Variants in CEP83 observed in about 807,000 individuals in gnomAD.
CEP83 encodes the protein centrosomal protein of 83 kDa.
In CEP83, 70 loss-of-function variants were observed where a neutral mutation model predicts 101.9. The ratio of observed to expected loss-of-function variants is 0.69; its 90% CI spans 0.57 to 0.84. The LOEUF (loss-of-function observed/expected upper bound fraction) is 0.84, where lower values mean the gene tolerates loss of function less well. Among genes scored for constraint, CEP83 ranks in the 40% least tolerant of loss-of-function variants. CEP83 has a pLI of 0.00. For synonymous variants in CEP83, 264 were observed against 267.9 expected (o/e 0.99, Z 0.14); for missense variants, 715 against 787.2 (o/e 0.91, Z 1.10).
chr12:94,306,909 A>C (rs1969085259), downstream of CEP83: 1 of 152,208 alleles, frequency 6.6e-6, no homozygotes, highest in Non-Finnish European at 1.5e-5. Context: ...TACCAAATAG[A>C]TGACAGATCA....
intron 14 of CEP83, among the ~76,000 whole-genome samples, chr12:94,325,037 G>C (rs1265917636): frequency 2.6e-5 from 4 of 151,962 alleles, no homozygotes; most frequent in Admixed American, 2.6e-4. Flanking sequence ...ATTCCCTCTG[G>C]AACACCCTTA....
At chr12:94,334,561 G>C (rs1482326861) in intron 12 of CEP83, among the ~76,000 whole-genome samples, 2 of 152,100 alleles carry the variant, frequency 1.3e-5, no homozygotes, top group African/African-American at 2.4e-5. Flanking sequence ...AGACAGTCAA[G>C]AGACAGGGAT....
chr12:94,413,752 CTTA>C (rs1197749445), intron 2 of CEP83, among the ~76,000 whole-genome samples: 3 of 151,018 alleles, frequency 2.0e-5, no homozygotes, highest in Non-Finnish European at 4.4e-5. Flanking sequence ...TCAAAGTGTT[CTTA>C]TAACTAAGAA....
Position 94,412,627 on chromosome 12 carries a change from G to A in CEP83, c.-101-36C>T, listed in dbSNP as rs369425885. The A allele has an allele frequency of 1.1e-4, 65 of 603,032 alleles. No homozygotes were observed. In the East Asian group the frequency reaches 1.4e-3, roughly 13 times the overall value. 37.4% of individuals were successfully genotyped at this position (603,032 alleles called of 1,614,324 possible). ...AAATAAACATAATTACATAATTTGC[G>A]ATCAGTAAACGTAAGCCTCCTTTAA... On this transcript the variant is annotated intron_variant, in intron 2 of 16. Transcript: ENST00000397809.
At chr12:94,291,845 A>G in the CEP83 span, among the ~76,000 whole-genome samples, 1 of 152,090 alleles carries the variant, frequency 6.6e-6, no homozygotes, top group Non-Finnish European at 1.5e-5. Context: ...GTGGGCTTCT[A>G]TTGATCCCAT....
downstream of CEP83, chr12:94,306,297 A>G (rs920688993): frequency 1.1e-4 from 17 of 151,962 alleles, no homozygotes; most frequent in African/African-American, 3.6e-4. Flanking sequence ...ATAAATATAT[A>G]TATTTGAGGC....
At chr12:94,326,068 T>C (rs1236652145) in intron 14 of CEP83, among the ~76,000 whole-genome samples, 1 of 152,104 alleles carries the variant, frequency 6.6e-6, no homozygotes, top group Non-Finnish European at 1.5e-5. Context: ...AGTGATTAGA[T>C]GGTGAATGCT....
chr12:94,424,184 T>TA, intron 2 of CEP83: 1 of 1,607,300 alleles, frequency 6.2e-7, no homozygotes, highest in Non-Finnish European at 8.5e-7. Context: ...AGGGGCTGGG[T>TA]AAAACCCATT....
intron 8 of CEP83, among the ~76,000 whole-genome samples, chr12:94,373,888 A>G (rs1357060187): frequency 6.6e-6 from 1 of 152,234 alleles, no homozygotes; most frequent in African/African-American, 2.4e-5. Flanking sequence ...TGTGGCAGTC[A>G]TGTTTGAAAT....
In CEP83 at chr12:94,369,945, T is replaced by C. The variant is rs746762221; in HGVS notation, c.1025A>G (p.Asn342Ser). The change falls in exon 9 of 17, where the codon AAT becomes AGT. Residue 342 changes from asparagine (N) to serine (S), a missense_variant. Physicochemically the swap from Asn to Ser is conservative, Grantham distance 46. Coordinates refer to ENST00000397809, the MANE Select transcript of CEP83 (RefSeq NM_016122.3). ...RAKSELERERNKIQSELDGLQ... is the reference protein window; with the variant it reads ...RAKSELERERSKIQSELDGLQ... ...ACCATCCAGTTCACTTTGAATCTTA[T>C]TCCTTTCTCTTTCTAGCTCACTCTT... is the stretch of plus-strand genomic sequence containing the variant. 1.3e-6 allele frequency: 2 copies of C among 1,594,846 alleles called. No homozygotes were observed. Among genetic ancestry groups the C allele is most frequent in the Admixed American group, 1.7e-5 (1 of 59,828 alleles).
chr12:94,339,829 G>A (rs999988805), intron 11 of CEP83, among the ~76,000 whole-genome samples: 2 of 152,288 alleles, frequency 1.3e-5, no homozygotes, highest in South Asian at 4.1e-4. Context: ...CCACTCAAAA[G>A]AGAACTAGAA....
chr12:94,367,934 G>C lies in CEP83; in HGVS notation c.1203C>G (p.Leu401=), dbSNP rs189675715. 2.3e-5 allele frequency: 37 copies of C among 1,612,766 alleles called. No individual in the cohort carries two copies. The South Asian group carries it at 3.5e-4, about 15-fold the overall frequency. ...TCTCCAAATCTGCTAATCTGTTCTC[G>C]AGTTCTAACCTAAAACAAGAGATCA... ...LVVLQDEKLE[L]ENRLADLEKM... Residue 401 remains leucine, a synonymous_variant, in exon 11 of 17, where the codon CTC becomes CTG. Transcript: ENST00000397809.
At chr12:94,454,422 A>G (rs2067488034) in intron 1 of CEP83, among the ~76,000 whole-genome samples, 1 of 152,230 alleles carries the variant, frequency 6.6e-6, no homozygotes, top group African/African-American at 2.4e-5. Context: ...AGGATTGCAA[A>G]TGCACCAATC....
At chr12:94,356,975 T>TG (rs1287691997) in intron 11 of CEP83, among the ~76,000 whole-genome samples, 1 of 152,106 alleles carries the variant, frequency 6.6e-6, no homozygotes, top group Non-Finnish European at 1.5e-5. Flanking sequence ...CATTAGAGCT[T>TG]GGGGAAAAAA....
chr12:94,301,657 C>T (rs188370512), downstream of CEP83, among the ~76,000 whole-genome samples: 291 of 152,298 alleles, frequency 1.9e-3, no homozygotes, highest in African/African-American at 6.8e-3. Context: ...ATATCTGTGC[C>T]TAATGGATCT....
rs997032093 is a variant in CEP83, at chr12:94,435,343, C to A, written c.-154-16G>T. 2.0e-5 allele frequency: 3 copies of A among 152,208 alleles called. No individual in the cohort carries two copies. Among genetic ancestry groups the A allele is most frequent in the Admixed American group, 6.5e-5 (1 of 15,274 alleles). 9.4% of individuals were successfully genotyped at this position (152,208 alleles called of 1,614,324 possible). A position where few individuals can be genotyped will look rare whatever the true frequency, so the allele number is the denominator to read the frequency against. ...CTCCCTATACCTGTAGGAGAGAAGA[C>A]ACAAAGAGGAATCTGAACAAACAGG... is the stretch of plus-strand genomic sequence containing the variant. On this transcript the variant is annotated splice_polypyrimidine_tract_variant and intron_variant, in intron 1 of 16. Coordinates refer to ENST00000397809, the MANE Select transcript of CEP83 (RefSeq NM_016122.3).
At chr12:94,323,543 T>C (rs1000997934) in intron 14 of CEP83, among the ~76,000 whole-genome samples, 5 of 152,180 alleles carry the variant, frequency 3.3e-5, no homozygotes, top group Admixed American at 2.6e-4. Flanking sequence ...AGTTGTTTTC[T>C]TGATGAATCC....
intron 2 of CEP83, 80 bp from the exon 3 acceptor site, chr12:94,412,671 C>A: frequency 1.2e-5 from 5 of 423,062 alleles, no homozygotes; most frequent in Non-Finnish European, 1.2e-5. Flanking sequence ...ATTTTTATCA[C>A]TTTTATTATT....
Position 94,391,546 on chromosome 12 carries a change from G to A in CEP83, c.549+9304C>T, listed in dbSNP as rs527507728. ...AACAGGCCAAATTGTAAAGACCATCGATGCTATGAAGACACTGCATCAATT... is the reference window on the plus strand; with the variant it reads ...AACAGGCCAAATTGTAAAGACCATCAATGCTATGAAGACACTGCATCAATT... On this transcript the variant is annotated intron_variant, in intron 6 of 16. Coordinates refer to ENST00000397809, the MANE Select transcript of CEP83 (RefSeq NM_016122.3). 2.6e-5 allele frequency among the ~76,000 whole-genome samples: 4 copies of A among 152,232 alleles called. No homozygotes were observed. In the South Asian group the frequency reaches 6.2e-4, roughly 24 times the overall value.
Sources: gnomAD v4.1 joint callset for allele counts (sites outside exome capture counted in the v4.1 genomes callset) on GRCh38, gnomAD v4.1.1 for gene constraint, MANE v1.5 for transcripts, NCBI Gene and HGNC (gene_info 2026-07-23, HGNC 2026-07-21) for gene names.